Variants in DIP2C observed in about 807,000 individuals in gnomAD.
DIP2C encodes the protein DIP2 acetate--CoA ligase C (putative), also known as disco-interacting protein 2 homolog C.
Under a neutral mutation model 192.4 loss-of-function variants are expected in DIP2C, and 33 were observed. The observed-to-expected ratio is 0.17, with a 90% CI of 0.13 to 0.23. The LOEUF is 0.23. Ranked by LOEUF, DIP2C falls within the 10% of genes least tolerant of loss-of-function variation. The probability of loss-of-function intolerance (pLI) is 1.00; values close to 1 mark genes in which losing one functional copy is unlikely to be tolerated. For synonymous variants in DIP2C, 979 were observed against 864.1 expected, an observed-to-expected ratio of 1.13 and a Z score of -2.33; for missense variants, 1,537 against 2,110.1, an observed-to-expected ratio of 0.73 and a Z score of 5.32.
In DIP2C at chr10:274,706, G is replaced by A. The variant is rs1954424960; in HGVS notation, c.*2619C>T. On this transcript the variant is annotated 3_prime_UTR_variant, in exon 37 of 37. Transcript: ENST00000280886. Reference sequence around the variant, plus strand: ...CCATCTCCCTTGGGTAAAGTGTCAAGCAGGATTAAATATATATAATAAACA... The same window carrying A: ...CCATCTCCCTTGGGTAAAGTGTCAAACAGGATTAAATATATATAATAAACA... The A allele has an allele frequency of 6.6e-6, 1 of 152,122 alleles. No homozygotes were observed. The highest frequency in any genetic ancestry group is 2.1e-4 in the South Asian group (1 of 4,828). The allele number at this position is 152,122 out of a possible 1,614,324, so 9.4% of individuals were successfully genotyped here. A position where few individuals can be genotyped will look rare whatever the true frequency, so the allele number is the denominator to read the frequency against.
At chr10:644,885 A>G (rs1010670690) in intron 1 of DIP2C, among the ~76,000 whole-genome samples, 4 of 152,246 alleles carry the variant, frequency 2.6e-5, no homozygotes, top group Non-Finnish European at 5.9e-5. Flanking sequence ...ACAAGAACAA[A>G]AGTCGCATGG....
intron 1 of DIP2C, among the ~76,000 whole-genome samples, chr10:594,491 CCGAG>C: frequency 6.6e-6 from 1 of 152,108 alleles, no homozygotes. Flanking sequence ...GGGAACATGG[CCGAG>C]TACAAACCAT....
chr10:345,075 C>T lies in DIP2C; in HGVS notation c.3267G>A (p.Leu1089=). The change falls in exon 27 of 37, where the codon CTG becomes CTA. Residue 1089 remains leucine (L), a synonymous_variant. Coordinates refer to ENST00000280886, the MANE Select transcript of DIP2C (RefSeq NM_014974.3). The part of the protein sequence containing the change: ...SRSACLMTTQ[L]ICKLLRSREA... ...CCCTGGACCGCAGCAACTTACAGAT[C>T]AGCTGTGTCGTCATCAGACAGGCAG... The T allele has an allele frequency of 6.2e-7, 1 of 1,613,508 alleles. No homozygotes were observed. Among genetic ancestry groups the T allele is most frequent in the Non-Finnish European group, 8.5e-7 (1 of 1,179,956 alleles).
Position 411,124 on chromosome 10 carries a change from G to T in DIP2C, c.1058-2107C>A, listed in dbSNP as rs74324927. Among the ~76,000 whole-genome samples the T allele has an allele frequency of 6.0e-3, 914 of 152,326 alleles. 3 individuals are homozygous for T. The highest frequency in any genetic ancestry group is 0.014 in the East Asian group (73 of 5,182). On this transcript the variant is annotated intron_variant, in intron 8 of 36. Coordinates refer to ENST00000280886, the MANE Select transcript of DIP2C (RefSeq NM_014974.3). The stretch of plus-strand genomic sequence containing the variant: ...AAAAAAGCAGCAAGGCCACAGAAAG[G>T]TGGCCCAGCGTGCTGCTAGCTCAAG...
At chr10:528,225 T>TC (rs1405382705) in intron 1 of DIP2C, among the ~76,000 whole-genome samples, 1 of 152,102 alleles carries the variant, frequency 6.6e-6, no homozygotes, top group East Asian at 1.9e-4. Flanking sequence ...CAGGAGCCAT[T>TC]CATGCCTTTC....
In DIP2C at chr10:636,967, G is replaced by A. The variant is rs988298031; in HGVS notation, c.85+52527C>T. ...CTGCGACCGGCACCACATGGGACTCGTGTGCACCAGCACCCACATCCCCGC... is the reference window on the plus strand; with the variant it reads ...CTGCGACCGGCACCACATGGGACTCATGTGCACCAGCACCCACATCCCCGC... On this transcript the variant is annotated intron_variant, in intron 1 of 36. Transcript: ENST00000280886. This position sits in a 1 kb window ranked among gnomAD's most constrained non-coding sequence, Gnocchi z 4.6. Among the ~76,000 whole-genome samples, 4 of 152,370 alleles carry A rather than the reference G, an allele frequency of 2.6e-5. No individual in the cohort carries two copies. The highest frequency in any genetic ancestry group is 7.2e-5 in the African/African-American group (3 of 41,586).
At chr10:662,483 C>T (rs1261474124) in intron 1 of DIP2C, among the ~76,000 whole-genome samples, 1 of 152,174 alleles carries the variant, frequency 6.6e-6, no homozygotes, top group Non-Finnish European at 1.5e-5. Flanking sequence ...AGCTGGGCCC[C>T]GCGAGCTGAA....
chr10:671,000 G>A (rs368145076), intron 1 of DIP2C, among the ~76,000 whole-genome samples: 2 of 152,340 alleles, frequency 1.3e-5, no homozygotes, highest in East Asian at 3.9e-4. Context: ...TACTTCATGA[G>A]GTGCCTCCAG....
chr10:645,214 G>A (rs1362642987), intron 1 of DIP2C, among the ~76,000 whole-genome samples: 3 of 152,234 alleles, frequency 2.0e-5, no homozygotes, highest in Non-Finnish European at 4.4e-5. Flanking sequence ...GAGCTGGCAT[G>A]AACGTTCCAG....
intron 24 of DIP2C, among the ~76,000 whole-genome samples, chr10:351,636 A>AGAAGAGCC (rs1438446609): frequency 9.2e-5 from 14 of 152,366 alleles, no homozygotes; most frequent in African/African-American, 2.6e-4. Flanking sequence ...GATTTAAAGT[A>AGAAGAGCC]GAAGAGCCCA....
At chr10:413,836 G>T in intron 8 of DIP2C, 77 bp downstream of exon 8, 1 of 1,529,200 alleles carries the variant, frequency 6.5e-7, no homozygotes, top group Non-Finnish European at 8.9e-7. Context: ...GGATGTAAAC[G>T]GACACTGAGT....
At position 277,168 on chromosome 10, in the gene DIP2C, C is replaced by T. The variant is rs1954561247; in HGVS notation, c.*157G>A. Reference sequence around the variant, plus strand: ...CATTTCACCCCCATGCCAATCGTGGCTGCTGTGAGAAGTCCTCTTCCTCCT... The same window carrying T: ...CATTTCACCCCCATGCCAATCGTGGTTGCTGTGAGAAGTCCTCTTCCTCCT... On this transcript the variant is annotated 3_prime_UTR_variant, in exon 37 of 37. Coordinates refer to ENST00000280886, the MANE Select transcript of DIP2C (RefSeq NM_014974.3). 3.6e-6 allele frequency: 4 copies of T among 1,104,126 alleles called. No individual in the cohort carries two copies. In the South Asian group the frequency reaches 6.8e-5, roughly 19 times the overall value. 68.4% of individuals were successfully genotyped at this position (1,104,126 alleles called of 1,614,324 possible). A position where few individuals can be genotyped will look rare whatever the true frequency, so the allele number is the denominator to read the frequency against.
Position 399,861 on chromosome 10 carries a change from C to A in DIP2C, c.1150-642G>T, listed in dbSNP as rs896639656. ...AGCATCAGTCCCCTGGTGCCACACA[C>A]GTGCATGTGTTGTGGGCCCTGGCCC... On this transcript the variant is annotated intron_variant, in intron 9 of 36. Coordinates refer to ENST00000280886, the MANE Select transcript of DIP2C (RefSeq NM_014974.3). Among the ~76,000 whole-genome samples, 4 of 152,210 alleles carry A rather than the reference C, an allele frequency of 2.6e-5. No homozygotes were observed. The East Asian group carries it at 7.7e-4, about 29-fold the overall frequency.
intron 1 of DIP2C, among the ~76,000 whole-genome samples, chr10:580,450 C>T (rs1389054544): frequency 1.3e-5 from 2 of 152,108 alleles, no homozygotes; most frequent in East Asian, 1.9e-4. Flanking sequence ...TAAATACATG[C>T]ATGTATGTAC....
At chr10:548,621 T>C (rs1365536956) in intron 1 of DIP2C, among the ~76,000 whole-genome samples, 1 of 61,494 alleles carries the variant, frequency 1.6e-5, no homozygotes, top group Non-Finnish European at 3.3e-5. Flanking sequence ...GGGGGTGACA[T>C]GGTGTGGTGG....
chr10:473,222 T>C (rs1043657725), intron 2 of DIP2C, among the ~76,000 whole-genome samples: 8 of 152,330 alleles, frequency 5.3e-5, no homozygotes, highest in African/African-American at 1.9e-4. Context: ...CTGTCACATA[T>C]TGATTACATT....
rs1846558130 is a variant in DIP2C at position 519,398 on chromosome 10, T to C, written c.86-32868A>G. Among the ~76,000 whole-genome samples, 3 of 152,366 alleles carry C rather than the reference T, an allele frequency of 2.0e-5. 1 individual carries two copies. Among genetic ancestry groups the C allele is most frequent in the South Asian group, 4.1e-4 (2 of 4,832 alleles). ...TGCACTGCTGAGTTTTCGAGGTTTCTGAACTCATTCAATCGCTGACCCACG... is the reference window on the plus strand; with the variant it reads ...TGCACTGCTGAGTTTTCGAGGTTTCCGAACTCATTCAATCGCTGACCCACG... On this transcript the variant is annotated intron_variant, in intron 1 of 36. Transcript: ENST00000280886.
intron 18 of DIP2C, among the ~76,000 whole-genome samples, chr10:368,692 G>A (rs1228064748): frequency 6.6e-6 from 1 of 152,238 alleles, no homozygotes; most frequent in Non-Finnish European, 1.5e-5. Flanking sequence ...CACCTGACCT[G>A]GCGCCCTGCA....
At chr10:629,263 G>A (rs1854371493) in intron 1 of DIP2C, among the ~76,000 whole-genome samples, 2 of 152,254 alleles carry the variant, frequency 1.3e-5, no homozygotes, top group African/African-American at 4.8e-5. Flanking sequence ...AGGCGGCTGT[G>A]AGGATCCCTC....
Sources: gnomAD v4.1 joint callset for allele counts (sites outside exome capture counted in the v4.1 genomes callset) on GRCh38, gnomAD v4.1.1 for gene constraint, Gnocchi (gnomAD v3.1) non-coding constraint, MANE v1.5 for transcripts, NCBI Gene and HGNC (gene_info 2026-07-23, HGNC 2026-07-21) for gene names.